Variants in MEGF11 observed in about 807,000 individuals in gnomAD.
The protein encoded by MEGF11 is multiple EGF like domains 11.
MEGF11 carries 126 observed loss-of-function variants against 146.6 expected under a neutral mutation model. The ratio of observed to expected loss-of-function variants is 0.86; its 90% CI spans 0.74 to 1.00. The LOEUF is 1.00. Among genes scored for constraint, MEGF11 ranks in the 50% least tolerant of loss-of-function variants. MEGF11 has a pLI of 0.00. For missense variants in MEGF11, 1,509 were observed against 1,521.2 expected, an observed-to-expected ratio of 0.99 and a Z score of 0.13; for synonymous variants, 532 against 583.4, an observed-to-expected ratio of 0.91 and a Z score of 1.27.
intron 24 of MEGF11, among the ~76,000 whole-genome samples, chr15:65,903,692 C>T (rs932155541): frequency 6.6e-6 from 1 of 152,186 alleles, no homozygotes; most frequent in East Asian, 1.9e-4. Context: ...CTTAGTAGTT[C>T]TGATTTGGTT....
intron 5 of MEGF11, among the ~76,000 whole-genome samples, chr15:66,066,758 C>T (rs1337964037): frequency 1.3e-5 from 2 of 152,242 alleles, no homozygotes; most frequent in South Asian, 2.1e-4. Context: ...ATCAGCCCAC[C>T]GGGCTGAGGC....
chr15:66,109,623 G>A (rs771441819), intron 4 of MEGF11, among the ~76,000 whole-genome samples: 45 of 152,196 alleles, frequency 3.0e-4, no homozygotes, highest in Non-Finnish European at 5.1e-4. Context: ...ACAGCTAGCA[G>A]AGGAAGTGAG....
chr15:65,925,565 C>G (rs534495166), intron 13 of MEGF11, among the ~76,000 whole-genome samples: 8 of 152,334 alleles, frequency 5.3e-5, no homozygotes, highest in Admixed American at 3.3e-4. Flanking sequence ...AGGCTCCCAG[C>G]TGTAGTTTCT....
intron 4 of MEGF11, among the ~76,000 whole-genome samples, chr15:66,102,630 CAT>C (rs989398371): frequency 2.4e-4 from 37 of 152,082 alleles, no homozygotes; most frequent in African/African-American, 8.4e-4. Flanking sequence ...GGGTCTTTCT[CAT>C]ATCAGATCCC....
At chr15:65,968,647 A>G (rs547875494) in intron 8 of MEGF11, among the ~76,000 whole-genome samples, 19 of 152,200 alleles carry the variant, frequency 1.2e-4, no homozygotes, top group Non-Finnish European at 1.9e-4. Flanking sequence ...TTTTACACAA[A>G]GCATGCTAAT....
chr15:66,124,126 C>T (rs2088206288), intron 2 of MEGF11, 126 bp from the exon 3 acceptor site: 1 of 716,812 alleles, frequency 1.4e-6, no homozygotes. Context: ...AGGCTCTGAC[C>T]TCCCCCCTCC....
intron 1 of MEGF11, among the ~76,000 whole-genome samples, chr15:66,243,653 A>G (rs1382491959): frequency 6.6e-6 from 1 of 152,154 alleles, no homozygotes; most frequent in African/African-American, 2.4e-5. Context: ...ATTTATTTGC[A>G]TATGTAGATT....
chr15:65,949,239 C>T (rs1469518125), intron 10 of MEGF11, among the ~76,000 whole-genome samples: 5 of 152,164 alleles, frequency 3.3e-5, no homozygotes, highest in Non-Finnish European at 4.4e-5. Context: ...GGGAGCGTAA[C>T]GTCTTTAAAG....
chr15:66,134,074 A>C (rs2088778291), intron 1 of MEGF11, among the ~76,000 whole-genome samples: 1 of 152,128 alleles, frequency 6.6e-6, no homozygotes, highest in Non-Finnish European at 1.5e-5. Context: ...AGCCACCATT[A>C]ATCAGGGTCA....
chr15:66,104,910 G>T (rs1476509213), intron 4 of MEGF11, among the ~76,000 whole-genome samples: 1 of 152,136 alleles, frequency 6.6e-6, no homozygotes, highest in Non-Finnish European at 1.5e-5. Flanking sequence ...CTTCCTTGGA[G>T]CCAGAAGCCA....
In MEGF11 at chr15:66,245,538, G is replaced by A. The variant is rs138247314; in HGVS notation, c.-9+8067C>T. Among the ~76,000 whole-genome samples the A allele has an allele frequency of 3.2e-3, 489 of 151,930 alleles. 2 individuals are homozygous for A. The highest frequency in any genetic ancestry group is 0.014 in the Middle Eastern group (4 of 294). The stretch of plus-strand genomic sequence containing the variant: ...TCCCAGCTACCCTGGAGGCTGAGGC[G>A]GGAAGATAGCTTGAGCCCAGGTGTT... On this transcript the variant is annotated intron_variant, in intron 1 of 25. Transcript: ENST00000395614.
chr15:66,115,741 C>T (rs2087693026), intron 4 of MEGF11, among the ~76,000 whole-genome samples: 1 of 152,234 alleles, frequency 6.6e-6, no homozygotes, highest in African/African-American at 2.4e-5. Context: ...TTAGAGTGAG[C>T]TCTAATCCAC....
intron 1 of MEGF11, among the ~76,000 whole-genome samples, chr15:66,150,854 G>T (rs1322537201): frequency 7.5e-6 from 1 of 132,900 alleles, no homozygotes; most frequent in African/African-American, 2.8e-5. Context: ...GAGAGAGAGA[G>T]AGAGAGAGAG....
intron 1 of MEGF11, among the ~76,000 whole-genome samples, chr15:66,211,261 C>T (rs1013540052): frequency 2.1e-4 from 32 of 152,230 alleles, no homozygotes; most frequent in South Asian, 6.2e-4. Context: ...TGGTGGCTCA[C>T]GCCTGTAATC....
intron 1 of MEGF11, among the ~76,000 whole-genome samples, chr15:66,219,095 G>A (rs762123231): frequency 7.9e-5 from 12 of 151,246 alleles, no homozygotes; most frequent in African/African-American, 2.4e-4. Flanking sequence ...CAAAATGGAC[G>A]GTCTTAAATG....
intron 1 of MEGF11, among the ~76,000 whole-genome samples, chr15:66,221,166 C>T (rs910204637): frequency 3.3e-5 from 5 of 152,034 alleles, no homozygotes; most frequent in Admixed American, 6.5e-5. Flanking sequence ...CTGAGTCCCA[C>T]GGCAGGGTAA....
At chr15:66,229,229 C>T (rs535916880) in intron 1 of MEGF11, among the ~76,000 whole-genome samples, 15 of 152,174 alleles carry the variant, frequency 9.9e-5, no homozygotes, top group Admixed American at 4.6e-4. Flanking sequence ...TTTGGGTTAA[C>T]TAGCCTTGCA....
chr15:66,149,035 C>T (rs1030022042), intron 1 of MEGF11, among the ~76,000 whole-genome samples: 7 of 152,216 alleles, frequency 4.6e-5, no homozygotes, highest in Admixed American at 2.0e-4. Context: ...ACACCCAGGA[C>T]GGGATGGAGT....
intron 1 of MEGF11, among the ~76,000 whole-genome samples, chr15:66,205,258 T>C (rs1300287802): frequency 6.6e-6 from 1 of 151,938 alleles, no homozygotes; most frequent in Non-Finnish European, 1.5e-5. Context: ...CTGGGCAATA[T>C]AGCAAGACCC....
Sources: allele counts gnomAD v4.1 joint callset (sites outside exome capture counted in the v4.1 genomes callset), GRCh38; gene constraint gnomAD v4.1.1; transcripts MANE v1.5; gene names NCBI Gene and HGNC (gene_info 2026-07-23, HGNC 2026-07-21).